The following EMCN variants were observed in gnomAD, a reference collection of about 807,000 sequenced individuals.
The protein encoded by EMCN is endomucin.
In EMCN, 37 loss-of-function variants were observed where a neutral mutation model predicts 38.4. The ratio of observed to expected loss-of-function variants is 0.96; its 90% confidence interval spans 0.74 to 1.27. The LOEUF is 1.27. Ranked by LOEUF, EMCN falls within the 50% of genes most tolerant of loss-of-function variation. The pLI is 0.00. For synonymous variants in EMCN, 95 were observed against 100.8 expected, an observed-to-expected ratio of 0.94 and a Z score of 0.35; for missense variants, 318 against 302.8, an observed-to-expected ratio of 1.05 and a Z score of -0.37.
intron 2 of EMCN, among the ~76,000 whole-genome samples, chr4:100,475,824 C>T (rs1467330177): frequency 2.0e-5 from 3 of 151,584 alleles, no homozygotes; most frequent in African/African-American, 7.3e-5. Context: ...ACTACAGGCG[C>T]CCGCCACCAC....
rs76601850 is a variant in EMCN, at chr4:100,439,815, G to T, written c.415+7718C>A. Reference sequence around the variant, plus strand: ...CTTTTGCTACATTTCATAGGTTTTGGTATGTTGTGCTTTAATTATTGTTTG... The same window carrying T: ...CTTTTGCTACATTTCATAGGTTTTGTTATGTTGTGCTTTAATTATTGTTTG... On this transcript the variant is annotated intron_variant, in intron 5 of 11. Transcript: ENST00000296420. Among the ~76,000 whole-genome samples, 201 of 151,690 alleles carry T rather than the reference G, an allele frequency of 1.3e-3. 1 individual carries two copies. The highest frequency in any genetic ancestry group is 4.6e-3 in the African/African-American group (189 of 41,454).
At chr4:100,466,096 GAA>G (rs3836628) in intron 3 of EMCN, among the ~76,000 whole-genome samples, 2 of 151,282 alleles carry the variant, frequency 1.3e-5, no homozygotes, top group East Asian at 1.9e-4. Flanking sequence ...ATTTTTCTTT[GAA>G]AAAAAAATTT....
intron 4 of EMCN, among the ~76,000 whole-genome samples, chr4:100,448,925 C>T (rs1426201846): frequency 1.3e-5 from 2 of 151,916 alleles, no homozygotes; most frequent in African/African-American, 4.8e-5. Flanking sequence ...CAACCACCTT[C>T]ACCAAATTGT....
intron 11 of EMCN, among the ~76,000 whole-genome samples, chr4:100,408,756 A>AG (rs924179106): frequency 3.3e-5 from 5 of 152,158 alleles, no homozygotes; most frequent in African/African-American, 9.7e-5. Context: ...TGGTGGCAGC[A>AG]GGGGCAGGGA....
At chr4:100,422,183 G>T (rs1360464828) in intron 7 of EMCN, among the ~76,000 whole-genome samples, 1 of 152,028 alleles carries the variant, frequency 6.6e-6, no homozygotes. Flanking sequence ...TCAGGGGTGA[G>T]ACTTACTCTC....
intron 4 of EMCN, among the ~76,000 whole-genome samples, chr4:100,449,754 G>T (rs373298066): frequency 6.3e-4 from 96 of 151,970 alleles, no homozygotes; most frequent in East Asian, 2.5e-3. Flanking sequence ...TATACATTAA[G>T]GTATAGCTGA....
chr4:100,479,626 G>T (rs896614583), intron 2 of EMCN, among the ~76,000 whole-genome samples: 2 of 151,956 alleles, frequency 1.3e-5, no homozygotes, highest in African/African-American at 4.8e-5. Flanking sequence ...TATGACTTAG[G>T]ACATGGCAAT....
intron 5 of EMCN, among the ~76,000 whole-genome samples, chr4:100,425,541 T>A (rs1009638112): frequency 2.6e-5 from 4 of 152,134 alleles, no homozygotes; most frequent in African/African-American, 9.7e-5. Flanking sequence ...GCTTAACCTC[T>A]ATGTGCCTGA....
intron 5 of EMCN, among the ~76,000 whole-genome samples, chr4:100,446,514 T>C (rs548824542): frequency 3.3e-5 from 5 of 152,234 alleles, no homozygotes; most frequent in Admixed American, 2.0e-4. Flanking sequence ...CTCATAATTT[T>C]TTTATTTTTC....
chr4:100,473,440 G>A (rs1346790548), intron 3 of EMCN, among the ~76,000 whole-genome samples: 1 of 117,370 alleles, frequency 8.5e-6, no homozygotes, highest in Non-Finnish European at 1.7e-5. Context: ...TTAGACTATG[G>A]AAATGATGTT....
intron 4 of EMCN, among the ~76,000 whole-genome samples, chr4:100,464,331 T>G (rs1008306789): frequency 6.6e-6 from 1 of 152,020 alleles, no homozygotes; most frequent in Non-Finnish European, 1.5e-5. Context: ...TTATGTAGTC[T>G]TCTAATAAAA....
chr4:100,418,723 A>G (rs1030149099), intron 8 of EMCN, among the ~76,000 whole-genome samples: 4 of 151,958 alleles, frequency 2.6e-5, no homozygotes, highest in African/African-American at 9.7e-5. Context: ...ACAGGATCTC[A>G]TTCTTTTTTG....
intron 5 of EMCN, among the ~76,000 whole-genome samples, chr4:100,424,607 G>T (rs752301513): frequency 6.6e-6 from 1 of 152,038 alleles, no homozygotes; most frequent in South Asian, 2.1e-4. Context: ...AGTCTGTACC[G>T]TTCTTGCCAT....
intron 4 of EMCN, among the ~76,000 whole-genome samples, chr4:100,450,371 T>A (rs908662290): frequency 6.6e-5 from 10 of 151,994 alleles, no homozygotes; most frequent in African/African-American, 2.4e-4. Context: ...AAGCATTTAG[T>A]TTTTAAATCA....
chr4:100,506,648 T>A (rs1389835804), intron 1 of EMCN, among the ~76,000 whole-genome samples: 1 of 152,170 alleles, frequency 6.6e-6, no homozygotes, highest in African/African-American at 2.4e-5. Flanking sequence ...TTCCTTATTT[T>A]AAAATATTTG....
At chr4:100,440,450 C>G (rs1727479488) in intron 5 of EMCN, among the ~76,000 whole-genome samples, 1 of 152,088 alleles carries the variant, frequency 6.6e-6, no homozygotes, top group African/African-American at 2.4e-5. Flanking sequence ...CCTTTGCATA[C>G]TCATAGCTTA....
intron 1 of EMCN, among the ~76,000 whole-genome samples, chr4:100,481,465 C>T (rs939729552): frequency 1.3e-5 from 2 of 152,084 alleles, no homozygotes; most frequent in African/African-American, 4.8e-5. Context: ...GTGTTCAGCA[C>T]ATACAGAAAT....
At chr4:100,419,785 C>G (rs1024387941) in intron 8 of EMCN, among the ~76,000 whole-genome samples, 1 of 151,980 alleles carries the variant, frequency 6.6e-6, no homozygotes, top group Non-Finnish European at 1.5e-5. Flanking sequence ...TCACTGATTC[C>G]CAAAGGAAAA....
At position 100,465,529 on chromosome 4, in the gene EMCN, G is replaced by A. The variant is rs1429529939; in HGVS notation, c.270C>T (p.Ala90=). The part of the protein sequence containing the change: ...FLTSKDEGLK[A]TTTDVRKNDS... ...CATTCTTCCTGACATCAGTGGTTGTGGCTTTCAATCCTATAAAAAGAATGA... is the reference window on the plus strand; with the variant it reads ...CATTCTTCCTGACATCAGTGGTTGTAGCTTTCAATCCTATAAAAAGAATGA... Residue 90 remains alanine, a synonymous_variant, in exon 4 of 12, where the codon GCC becomes GCT. Transcript: ENST00000296420. The A allele has an allele frequency of 1.9e-6, 3 of 1,598,266 alleles. No individual in the cohort carries two copies. Among genetic ancestry groups the A allele is most frequent in the Non-Finnish European group, 2.6e-6 (3 of 1,169,092 alleles).
Sources: allele counts gnomAD v4.1 joint callset (sites outside exome capture counted in the v4.1 genomes callset), GRCh38; gene constraint gnomAD v4.1.1; transcripts MANE v1.5; gene names NCBI Gene and HGNC (gene_info 2026-07-23, HGNC 2026-07-21).